The following POTEC variants were observed in gnomAD, a reference collection of about 807,000 sequenced individuals.
POTEC encodes POTE ankyrin domain family member C, also known as ANKRD26-like family B member 2.
POTEC carries 35 observed loss-of-function variants against 62.0 expected under a neutral mutation model. The ratio of observed to expected loss-of-function variants is 0.56; its 90% CI spans 0.43 to 0.75. POTEC has a LOEUF of 0.75. POTEC is among the 30% of genes least tolerant of loss of function. The pLI is 0.00. For missense variants in POTEC, 472 were observed against 655.9 expected (o/e 0.72, Z 3.06); for synonymous variants, 156 against 221.5 (o/e 0.70, Z 2.62).
rs923539099 is a variant in POTEC, at chr18:14,530,383, C to A, written c.1126+100G>T. 1.5e-4 allele frequency: 240 copies of A among 1,564,352 alleles called. 1 individual carries two copies. Among genetic ancestry groups the A allele is most frequent in the Non-Finnish European group, 2.4e-5 (28 of 1,148,388 alleles). ...ATAATCCTGAAACCATCCCCACCTT[C>A]CCCCAGCCCATGGAAACACTGTCTT... On this transcript the variant is annotated intron_variant, in intron 6 of 10. Transcript: ENST00000358970.
chr18:14,537,211 A>ACACACACACACACAC (rs1555624120), intron 3 of POTEC, among the ~76,000 whole-genome samples: 5 of 49,038 alleles, frequency 1.0e-4, no homozygotes, highest in African/African-American at 2.8e-4. Flanking sequence ...ACACACACAC[A>ACACACACACACACAC]AAAAAAAAAA....
rs1002399895 is a variant in POTEC at position 14,543,308 on chromosome 18, A to T, written c.-162T>A. On this transcript the variant is annotated 5_prime_UTR_variant, in exon 1 of 11. Coordinates refer to ENST00000358970, the MANE Select transcript of POTEC (RefSeq NM_001137671.2). ...CCAGCAAGGGAGCCCAGTCCACCCCACCCAGGGAAAACCCACACCCACCCG... is the reference window on the plus strand; with the variant it reads ...CCAGCAAGGGAGCCCAGTCCACCCCTCCCAGGGAAAACCCACACCCACCCG... 8.5e-6 allele frequency: 11 copies of T among 1,301,254 alleles called. No homozygotes were observed. The highest frequency in any genetic ancestry group is 1.1e-5 in the Non-Finnish European group (11 of 957,958). The allele number at this position is 1,301,254 out of a possible 1,614,324, so 80.6% of individuals were successfully genotyped here. A position where few individuals can be genotyped will look rare whatever the true frequency, so the allele number is the denominator to read the frequency against.
intron 6 of POTEC, 130 bp from the exon 7 acceptor site, chr18:14,525,113 A>C: frequency 7.3e-7 from 1 of 1,366,788 alleles, no homozygotes; most frequent in Non-Finnish European, 9.8e-7. Context: ...TCTTTCATGA[A>C]ATAGTTACTT....
At position 14,537,681 on chromosome 18, in the gene POTEC, C is replaced by G. The variant is rs564521871; in HGVS notation, c.810+120G>C. ...AAAGTCTTAGATAATTAAGTCATTTCAAAATATTTTCATTCAGGTTATGCT... is the reference window on the plus strand; with the variant it reads ...AAAGTCTTAGATAATTAAGTCATTTGAAAATATTTTCATTCAGGTTATGCT... On this transcript the variant is annotated intron_variant, in intron 3 of 10. Coordinates refer to ENST00000358970, the MANE Select transcript of POTEC (RefSeq NM_001137671.2). 376 of 1,151,174 alleles carry G rather than the reference C, an allele frequency of 3.3e-4. 1 individual carries two copies. The African/African-American group carries it at 5.4e-3, about 17-fold the overall frequency. The allele number at this position is 1,151,174 out of a possible 1,614,324, so 71.3% of individuals were successfully genotyped here.
At chr18:14,514,464 AC>A (rs1184184047) in intron 9 of POTEC, among the ~76,000 whole-genome samples, 1 of 152,134 alleles carries the variant, frequency 6.6e-6, no homozygotes. Context: ...GTCAACCCAA[AC>A]TTTTTATGTT....
At chr18:14,513,011 T>A (rs911286385) in intron 10 of POTEC, among the ~76,000 whole-genome samples, 13 of 152,254 alleles carry the variant, frequency 8.5e-5, no homozygotes, top group African/African-American at 1.4e-4. Context: ...TTCCTCTTTA[T>A]AATGTTTGAA....
At chr18:14,516,296 TTTTATATATATATATA>T (rs2143113747) in intron 9 of POTEC, among the ~76,000 whole-genome samples, 1 of 16,448 alleles carries the variant, frequency 6.1e-5, no homozygotes, top group Non-Finnish European at 1.1e-4. Context: ...ATAAAGAAAA[TTTTATATATATATATA>T]TATATATATA....
chr18:14,519,891 C>T (rs74682106), intron 9 of POTEC, among the ~76,000 whole-genome samples: 88 of 152,000 alleles, frequency 5.8e-4, no homozygotes, highest in East Asian at 2.3e-3. Context: ...CAAGTGAAGA[C>T]GCCGTTAGGG....
intron 3 of POTEC, among the ~76,000 whole-genome samples, 175 bp from the exon 4 acceptor site, chr18:14,535,182 C>T (rs947281400): frequency 3.3e-5 from 5 of 150,666 alleles, no homozygotes; most frequent in African/African-American, 1.2e-4. Flanking sequence ...CATCCCTTCT[C>T]TGCCTCACCA....
chr18:14,533,977 GGTTA>G (rs1462799796), intron 4 of POTEC, among the ~76,000 whole-genome samples: 3 of 148,738 alleles, frequency 2.0e-5, no homozygotes, highest in Admixed American at 1.3e-4. Context: ...ACATTGTGCA[GGTTA>G]GTTACATATG....
At chr18:14,531,586 C>T (rs1051332733) in intron 5 of POTEC, 5 of 152,034 alleles carry the variant, frequency 3.3e-5, no homozygotes, top group East Asian at 3.9e-4. Context: ...AATCACATTT[C>T]GATATTTTGG....
intron 9 of POTEC, among the ~76,000 whole-genome samples, chr18:14,519,899 G>A (rs1910263810): frequency 1.3e-5 from 2 of 152,010 alleles, no homozygotes; most frequent in South Asian, 4.2e-4. Flanking sequence ...GACGCCGTTA[G>A]GGAGGAGATG....
chr18:14,538,568 TAGTC>T (rs1383961585), intron 1 of POTEC, among the ~76,000 whole-genome samples: 1 of 151,556 alleles, frequency 6.6e-6, no homozygotes, highest in Non-Finnish European at 1.5e-5. Flanking sequence ...GGAATGAAAA[TAGTC>T]AGTTTCTCAG....
chr18:14,527,353 A>G (rs1011265987), intron 6 of POTEC, among the ~76,000 whole-genome samples: 2 of 152,164 alleles, frequency 1.3e-5, no homozygotes, highest in African/African-American at 2.4e-5. Flanking sequence ...GGGGAAAAAC[A>G]CAAAGCACAT....
rs375344447 is a variant in POTEC, at chr18:14,542,847, C to A, written c.300G>T (p.Lys100Asn). 6.2e-7 allele frequency: 1 copy of A among 1,609,872 alleles called. No homozygotes were observed. Among genetic ancestry groups the A allele is most frequent in the Non-Finnish European group, 8.5e-7 (1 of 1,176,886 alleles). Residue 100 changes from lysine to asparagine, a missense_variant, in exon 1 of 11, where the codon AAG (lysine) becomes AAT (asparagine). Physicochemically the swap from Lys to Asn is moderately conservative, Grantham distance 94. Coordinates refer to ENST00000358970, the MANE Select transcript of POTEC (RefSeq NM_001137671.2). ...FMKTLRSKMG[K>N]WCCHCFPCCR... is the part of the protein sequence containing the mutation. Reference sequence around the variant, plus strand: ...AGCAGGGGAAGCAGTGACAGCACCACTTGCCCATCTTGCTCCTGAGCGTCT... The same window carrying A: ...AGCAGGGGAAGCAGTGACAGCACCAATTGCCCATCTTGCTCCTGAGCGTCT...
chr18:14,533,875 CT>C (rs564503459), intron 4 of POTEC, among the ~76,000 whole-genome samples: 21,905 of 141,060 alleles, frequency 0.16, 1,711 homozygotes, highest in African/African-American at 0.18. Flanking sequence ...TTTTCTCTCT[CT>C]TTTTTTTTTT....
In POTEC at chr18:14,507,818, G is replaced by C. The variant is rs929162339; in HGVS notation, c.*4080C>G. 2 of 152,170 alleles carry C rather than the reference G, an allele frequency of 1.3e-5. No homozygotes were observed. The highest frequency in any genetic ancestry group is 1.3e-4 in the Admixed American group (2 of 15,280). 9.4% of individuals were successfully genotyped at this position (152,170 alleles called of 1,614,324 possible). On this transcript the variant is annotated 3_prime_UTR_variant, in exon 11 of 11. Transcript: ENST00000358970. ...CATTTGCTTGTCTGAAAACGATCTT[G>C]TTTCTCCTTCACTTATGATGCTTAA...
At chr18:14,525,639 T>C (rs960196191) in intron 6 of POTEC, among the ~76,000 whole-genome samples, 1 of 151,726 alleles carries the variant, frequency 6.6e-6, no homozygotes. Context: ...TTGTTCTGCT[T>C]CTGTAAGTTT....
chr18:14,530,214 G>T, intron 6 of POTEC, among the ~76,000 whole-genome samples: 1 of 151,872 alleles, frequency 6.6e-6, no homozygotes, highest in Non-Finnish European at 1.5e-5. Flanking sequence ...GTCTCACTTT[G>T]CCCCCAGATG....
Sources: gnomAD v4.1 joint callset for allele counts (sites outside exome capture counted in the v4.1 genomes callset) on GRCh38, gnomAD v4.1.1 for gene constraint, MANE v1.5 for transcripts, NCBI Gene and HGNC (gene_info 2026-07-23, HGNC 2026-07-21) for gene names.